The following PATJ variants were observed in gnomAD, a reference collection of about 807,000 sequenced individuals.
PATJ encodes inaD-like protein.
PATJ carries 190 observed loss-of-function variants against 224.9 expected under a neutral mutation model. That is an observed-to-expected ratio of 0.84 (90% CI 0.75 to 0.95). The LOEUF (loss-of-function observed/expected upper bound fraction) is 0.95, where lower values mean the gene tolerates loss of function less well. Ranked by LOEUF, PATJ falls within the 40% of genes least tolerant of loss-of-function variation. PATJ has a pLI of 0.00. For missense variants in PATJ, 2,121 were observed against 2,270.3 expected (o/e 0.93, Z 1.34); for synonymous variants, 769 against 820.3 (o/e 0.94, Z 1.07).
intron 29 of PATJ, among the ~76,000 whole-genome samples, chr1:62,028,698 G>T (rs867603381): frequency 2.0e-5 from 3 of 152,124 alleles, no homozygotes; most frequent in Admixed American, 2.0e-4. Context: ...TGTGAGGATT[G>T]CTCTAGCCCA....
At chr1:61,860,627 A>G (rs1570944944) in intron 18 of PATJ, among the ~76,000 whole-genome samples, 1 of 151,968 alleles carries the variant, frequency 6.6e-6, no homozygotes, top group South Asian at 2.1e-4. Context: ...GGAGTTCAAG[A>G]CCAGCCTGCC....
chr1:61,904,556 C>T (rs1246410278), intron 24 of PATJ, among the ~76,000 whole-genome samples: 5 of 152,254 alleles, frequency 3.3e-5, no homozygotes, highest in African/African-American at 1.2e-4. Context: ...TGTGTCATCA[C>T]CACCAAACTC....
At chr1:61,933,065 A>G (rs1295315255) in intron 27 of PATJ, among the ~76,000 whole-genome samples, 1 of 152,176 alleles carries the variant, frequency 6.6e-6, no homozygotes, top group Non-Finnish European at 1.5e-5. Context: ...TAATTATCGT[A>G]AGAAGTCTTA....
At chr1:61,753,565 A>G (rs898378658) in intron 1 of PATJ, among the ~76,000 whole-genome samples, 3 of 151,082 alleles carry the variant, frequency 2.0e-5, no homozygotes, top group Non-Finnish European at 1.5e-5. Context: ...GCTGGAGTGC[A>G]GTGGCACGAT....
chr1:61,779,640 T>G (rs1647136086), intron 7 of PATJ, among the ~76,000 whole-genome samples: 1 of 152,224 alleles, frequency 6.6e-6, no homozygotes, highest in Non-Finnish European at 1.5e-5. Context: ...GCGTATTCAT[T>G]ACCCCCAGCA....
chr1:62,147,536 C>T (rs1458605804), intron 41 of PATJ, among the ~76,000 whole-genome samples: 3 of 152,108 alleles, frequency 2.0e-5, no homozygotes, highest in Non-Finnish European at 4.4e-5. Flanking sequence ...TGGTGGCTCA[C>T]GCCTGTAATC....
chr1:61,818,691 T>C (rs1570692747), intron 14 of PATJ, among the ~76,000 whole-genome samples: 1 of 152,206 alleles, frequency 6.6e-6, no homozygotes, highest in African/African-American at 2.4e-5. Context: ...TAATTGAAGA[T>C]AGAGCATGTT....
intron 24 of PATJ, among the ~76,000 whole-genome samples, chr1:61,902,182 C>T (rs1671268956): frequency 6.6e-6 from 1 of 151,402 alleles, no homozygotes; most frequent in African/African-American, 2.4e-5. Flanking sequence ...GATCGGACTT[C>T]CCTCCAGCCT....
At chr1:62,026,462 T>TTG (rs200824830) in intron 29 of PATJ, among the ~76,000 whole-genome samples, 15,946 of 123,294 alleles carry the variant, frequency 0.13, 906 homozygotes, top group South Asian at 0.19. Context: ...TATTCAACAT[T>TTG]TGTGTGTGTG....
At chr1:61,894,812 G>C (rs758291433) in intron 22 of PATJ, among the ~76,000 whole-genome samples, 1 of 152,220 alleles carries the variant, frequency 6.6e-6, no homozygotes, top group Non-Finnish European at 1.5e-5. Context: ...AGGTTGGAAT[G>C]ATTTGGAGGG....
In PATJ at chr1:61,785,173, A is replaced by G. The variant is rs182992976; in HGVS notation, c.850-2581A>G. ...GCGGTGGTGCCACCTGGAACTAGGA[A>G]TTTGAAGCTCAGAACTGGATTAACC... On this transcript the variant is annotated intron_variant, in intron 7 of 43. Coordinates refer to ENST00000642238, the MANE Select transcript of PATJ (RefSeq NM_001350145.3). Among the ~76,000 whole-genome samples, 249 of 152,308 alleles carry G rather than the reference A, an allele frequency of 1.6e-3. 1 individual carries two copies. The highest frequency in any genetic ancestry group is 5.3e-3 in the African/African-American group (220 of 41,566).
At chr1:61,771,335 AGTAGTACCATAG>A in intron 5 of PATJ, 84 bp from the exon 6 acceptor site, 1 of 626,310 alleles carries the variant, frequency 1.6e-6, no homozygotes, top group Non-Finnish European at 2.7e-6. Context: ...TACTAAGTAA[AGTAGTACCATAG>A]GCAACAAACT....
chr1:61,808,585 C>A, intron 14 of PATJ, 55 bp downstream of exon 14: 1 of 1,108,956 alleles, frequency 9.0e-7, no homozygotes, highest in Non-Finnish European at 1.4e-6. Flanking sequence ...GAGATAGGGT[C>A]TCACTATGTT....
At chr1:62,108,170 G>A (rs893706396) in intron 33 of PATJ, among the ~76,000 whole-genome samples, 3 of 152,102 alleles carry the variant, frequency 2.0e-5, no homozygotes, top group African/African-American at 7.2e-5. Flanking sequence ...ATACACAGCA[G>A]CAATGTACAG....
chr1:61,815,946 A>G (rs77939406), intron 14 of PATJ, among the ~76,000 whole-genome samples: 25,675 of 152,094 alleles, frequency 0.17, 2,559 homozygotes, highest in East Asian at 0.47. Flanking sequence ...TATGAGGGAG[A>G]AGCATTAAGC....
intron 28 of PATJ, among the ~76,000 whole-genome samples, chr1:62,008,076 T>C (rs1262839104): frequency 6.6e-6 from 1 of 152,184 alleles, no homozygotes; most frequent in Non-Finnish European, 1.5e-5. Context: ...TGGCAGAATA[T>C]GGACATCTCA....
At chr1:62,047,325 C>T (rs973723927) in intron 30 of PATJ, among the ~76,000 whole-genome samples, 1 of 152,280 alleles carries the variant, frequency 6.6e-6, no homozygotes, top group South Asian at 2.1e-4. Flanking sequence ...GGCGTGATAT[C>T]GGCTCACCGC....
intron 27 of PATJ, among the ~76,000 whole-genome samples, chr1:61,932,178 C>G (rs6656983): frequency 4.6e-4 from 70 of 152,180 alleles, no homozygotes; most frequent in Admixed American, 1.4e-3. Flanking sequence ...GCCTGCCCCC[C>G]CAACACACAC....
chr1:62,117,468 A>G, intron 37 of PATJ: 18 of 1,281,396 alleles, frequency 1.4e-5, no homozygotes, highest in Non-Finnish European at 1.7e-5. Context: ...TATTAGTTCT[A>G]TATTGCCTAT....
Sources: allele counts gnomAD v4.1 joint callset (sites outside exome capture counted in the v4.1 genomes callset), GRCh38; gene constraint gnomAD v4.1.1; transcripts MANE v1.5; gene names NCBI Gene and HGNC (gene_info 2026-07-23, HGNC 2026-07-21).